The following DRC1 variants were observed in gnomAD, a reference collection of about 807,000 sequenced individuals.
DRC1 encodes the protein dynein regulatory complex protein 1.
DRC1 carries 74 observed loss-of-function variants against 98.7 expected under a neutral mutation model. That is an observed-to-expected ratio of 0.75 (90% confidence interval 0.62 to 0.91). The LOEUF (loss-of-function observed/expected upper bound fraction) is 0.91, where lower values mean the gene tolerates loss of function less well. Ranked by LOEUF, DRC1 falls within the 40% of genes least tolerant of loss-of-function variation. The pLI is 0.00. For missense variants in DRC1, 875 were observed against 886.0 expected (o/e 0.99, Z 0.16); for synonymous variants, 336 against 334.1 (o/e 1.01, Z -0.06).
intron 8 of DRC1, among the ~76,000 whole-genome samples, chr2:26,442,325 A>G (rs149350816): frequency 6.8e-4 from 104 of 152,310 alleles, no homozygotes; most frequent in Non-Finnish European, 1.3e-3. Flanking sequence ...TTGGACAAAA[A>G]CTTCCCACAG....
intron 4 of DRC1, among the ~76,000 whole-genome samples, chr2:26,427,822 G>T (rs925608828): frequency 1.3e-5 from 2 of 152,176 alleles, no homozygotes; most frequent in South Asian, 2.1e-4. Context: ...GTGAGAACAT[G>T]CAAAGTTTGA....
At position 26,444,297 on chromosome 2, in the gene DRC1, T is replaced by C. The variant is rs928722428; in HGVS notation, c.1104T>C (p.Ser368=). 5.0e-6 allele frequency: 8 copies of C among 1,614,214 alleles called. No homozygotes were observed. The highest frequency in any genetic ancestry group is 6.8e-6 in the Non-Finnish European group (8 of 1,180,028). The change falls in exon 9 of 17, where the codon TCT becomes TCC. Residue 368 remains serine (S), a synonymous_variant. Transcript: ENST00000288710. The part of the protein sequence containing the change: ...QIKQFQEENQ[S]LTSDYKRLVM... ...AGCAGTTTCAGGAGGAGAACCAGTCTCTAACCTCGGACTACAAACGTCTTG... is the reference window on the plus strand; with the variant it reads ...AGCAGTTTCAGGAGGAGAACCAGTCCCTAACCTCGGACTACAAACGTCTTG...
At chr2:26,445,201 G>A (rs1057368990) in intron 10 of DRC1, among the ~76,000 whole-genome samples, 8 of 152,108 alleles carry the variant, frequency 5.3e-5, no homozygotes, top group Non-Finnish European at 5.9e-5. Context: ...TACCTCCATC[G>A]GGATAAACTA....
intron 7 of DRC1, among the ~76,000 whole-genome samples, chr2:26,434,263 G>A (rs918033460): frequency 4.6e-5 from 7 of 152,180 alleles, no homozygotes; most frequent in African/African-American, 1.7e-4. Flanking sequence ...TGCCAGTAAA[G>A]GTCATGTTAT....
intron 10 of DRC1, among the ~76,000 whole-genome samples, chr2:26,447,490 A>G (rs1403021880): frequency 6.6e-6 from 1 of 152,152 alleles, no homozygotes; most frequent in African/African-American, 2.4e-5. Flanking sequence ...TGATACACAT[A>G]TAGGTATTTT....
chr2:26,420,766 CT>C (rs749876428), intron 2 of DRC1, among the ~76,000 whole-genome samples: 44 of 68,928 alleles, frequency 6.4e-4, no homozygotes, highest in Admixed American at 9.1e-4. Context: ...TTTTCTTCTT[CT>C]TTTTTTTTTT....
In DRC1 at chr2:26,440,396, C is replaced by T. The variant is rs1422843402; in HGVS notation, c.907C>T (p.Gln303Ter). The change falls in exon 8 of 17, where the codon CAG (glutamine) becomes TAG (stop). Residue 303 changes from glutamine (Q) to a stop codon, truncating the protein, a stop_gained. Transcript: ENST00000288710. LOFTEE classifies it high-confidence loss of function. ...ACTTTAGATTCTTGAGCAGCAGCTT[C>T]AGCAGAGGAAAGCAATTTATCAGCT... The part of the protein sequence containing the change: ...QDVQILEQQL[Q>*]QRKAIYQLNQ... 1 of 1,610,552 alleles carries T rather than the reference C, an allele frequency of 6.2e-7. No homozygotes were observed. Among genetic ancestry groups the T allele is most frequent in the South Asian group, 1.1e-5 (1 of 90,534 alleles).
intron 1 of DRC1, 142 bp downstream of exon 1, chr2:26,402,286 C>T (rs1295887924): frequency 3.0e-6 from 4 of 1,328,894 alleles, no homozygotes; most frequent in Non-Finnish European, 4.0e-6. Context: ...CCGTGGCGCG[C>T]GCCTGTCATC....
intron 1 of DRC1, among the ~76,000 whole-genome samples, chr2:26,409,117 A>C (rs1224047427): frequency 6.7e-6 from 1 of 149,492 alleles, no homozygotes; most frequent in Non-Finnish European, 1.5e-5. Context: ...TTTTTTTTAG[A>C]GATGGAGTCC....
intron 2 of DRC1, 92 bp downstream of exon 2, chr2:26,414,523 T>C: frequency 2.5e-6 from 3 of 1,204,908 alleles, no homozygotes; most frequent in Non-Finnish European, 3.6e-6. Context: ...AATCATGTGG[T>C]CCATGTTGCT....
chr2:26,450,557 G>A, intron 12 of DRC1, 35 bp from the exon 13 acceptor site: 1 of 1,597,246 alleles, frequency 6.3e-7, no homozygotes. Context: ...CCTCTTGATG[G>A]GGTGTTTGAG....
Position 26,448,716 on chromosome 2 carries a change from C to A in DRC1, c.1422C>A (p.Ala474=). The A allele has an allele frequency of 6.2e-7, 1 of 1,614,216 alleles. No homozygotes were observed. The highest frequency in any genetic ancestry group is 8.5e-7 in the Non-Finnish European group (1 of 1,180,046). ...AAGAGGAGGAGGCAGAAGAGGCCGC[C>A]GCGGAACCAGAGTCCTACCTGGATT... ...RSEEEEAEEA[A]AEPESYLDLP... is the part of the protein sequence containing the mutation. Residue 474 remains alanine, a synonymous_variant, in exon 11 of 17, where the codon GCC becomes GCA. Coordinates refer to ENST00000288710, the MANE Select transcript of DRC1 (RefSeq NM_145038.5).
At chr2:26,414,463 G>T (rs767117894) in intron 2 of DRC1, 32 bp downstream of exon 2, 16 of 1,597,742 alleles carry the variant, frequency 1.0e-5, no homozygotes, top group Non-Finnish European at 1.4e-5. Context: ...GGCTCTGGAA[G>T]ACCAGTGAGC....
At chr2:26,448,941 G>T in intron 11 of DRC1, 138 bp downstream of exon 11, 2 of 856,576 alleles carry the variant, frequency 2.3e-6, no homozygotes, top group East Asian at 2.4e-5. Context: ...GCCCTGAGGA[G>T]CAGAGTCAGG....
At chr2:26,449,029 G>A (rs1424456506) in intron 11 of DRC1, among the ~76,000 whole-genome samples, 1 of 152,246 alleles carries the variant, frequency 6.6e-6, no homozygotes, top group African/African-American at 2.4e-5. Context: ...GTCTAACCTT[G>A]GTTGGCCAGC....
Position 26,402,029 on chromosome 2 carries a change from G to A in DRC1, c.40G>A (p.Val14Met), listed in dbSNP as rs912234326. ...PGSLEALDPN[V>M]DEHLSTQILA... ...GTCCCTAGAGGCCCTGGACCCGAAC[G>A]TGGACGAGCACTTGTCCACCCAGAT... is the stretch of plus-strand genomic sequence containing the variant. The change falls in exon 1 of 17, where the codon GTG becomes ATG. Residue 14 changes from valine to methionine, a missense_variant. By Grantham distance (21) the Val-to-Met change is conservative. Transcript: ENST00000288710. 6.2e-7 allele frequency: 1 copy of A among 1,612,562 alleles called. No individual in the cohort carries two copies. The highest frequency in any genetic ancestry group is 1.3e-5 in the African/African-American group (1 of 74,916).
intron 2 of DRC1, among the ~76,000 whole-genome samples, chr2:26,416,384 C>A (rs114460213): frequency 0.014 from 2,206 of 152,254 alleles, 48 homozygotes; most frequent in African/African-American, 0.048. Flanking sequence ...CAGTGATCTG[C>A]CTGCCTCAGC....
At chr2:26,421,448 A>G (rs373304971) in intron 3 of DRC1, 48 bp downstream of exon 3, 15 of 1,530,686 alleles carry the variant, frequency 9.8e-6, no homozygotes, top group Admixed American at 1.7e-5. Context: ...GGTAATCTCC[A>G]TGGGTCCGGC....
chr2:26,402,119 G>T lies in DRC1; in HGVS notation c.130G>T (p.Ala44Ser). The T allele has an allele frequency of 1.2e-6, 2 of 1,610,752 alleles. No homozygotes were observed. Among genetic ancestry groups the T allele is most frequent in the Non-Finnish European group, 8.5e-7 (1 of 1,179,010 alleles). ...ERIQARRLRIAARLEARRREA... is the reference protein window; with the variant it reads ...ERIQARRLRISARLEARRREA... ...CATCCAGGCCCGGCGCCTCCGCATC[G>T]CTGCGCGCTTAGAAGCCCGGAGGCG... Residue 44 changes from alanine (A) to serine (S), a missense_variant, in exon 1 of 17, where the codon GCT becomes TCT. By Grantham distance (99) the Ala-to-Ser change is moderately conservative. Coordinates refer to ENST00000288710, the MANE Select transcript of DRC1 (RefSeq NM_145038.5).
Sources: allele counts gnomAD v4.1 joint callset (sites outside exome capture counted in the v4.1 genomes callset), GRCh38; gene constraint gnomAD v4.1.1; transcripts MANE v1.5; gene names NCBI Gene and HGNC (gene_info 2026-07-23, HGNC 2026-07-21).